The following KCNQ1OT1 variants were observed in gnomAD, a reference collection of about 807,000 sequenced individuals.
The protein encoded by KCNQ1OT1 is KCNQ1 opposite strand/antisense transcript 1.
In KCNQ1OT1 at chr11:2,682,439, T is replaced by C. The variant is rs1006127835; in HGVS notation, n.17556A>G. ...TGTTTTATCTTCAGTGCTTAATCCA[T>C]ATGGAGCCTGTCACGGACCCTCAGT... On this transcript the variant is annotated non_coding_transcript_exon_variant, in exon 1 of 1. Transcript: ENST00000597346. This position sits in a 1 kb window ranked among gnomAD's most constrained non-coding sequence, Gnocchi z 5.8. 8.5e-5 allele frequency: 34 copies of C among 398,448 alleles called. No homozygotes were observed. The highest frequency in any genetic ancestry group is 1.5e-4 in the Non-Finnish European group (33 of 226,112). The allele number at this position is 398,448 out of a possible 1,614,324, so 24.7% of individuals were successfully genotyped here.
chr11:2,612,416 ATC>A lies in KCNQ1OT1; in HGVS notation n.87577_87578del, dbSNP rs1848995965. 1 of 398,222 alleles carries A rather than the reference ATC, an allele frequency of 2.5e-6. No homozygotes were observed. The allele number at this position is 398,222 out of a possible 1,614,324, so 24.7% of individuals were successfully genotyped here. On this transcript the variant is annotated non_coding_transcript_exon_variant, in exon 1 of 1. Coordinates refer to ENST00000597346, the Ensembl canonical transcript of KCNQ1OT1. This position sits in a 1 kb window ranked among gnomAD's most constrained non-coding sequence, Gnocchi z 5.5. ...CACTATATTATGGTATCCAATGGGT[ATC>A]TCTTCATTTTTCTTCATTATTTTTC...
Position 2,647,749 on chromosome 11 carries a change from T to C in KCNQ1OT1, n.52246A>G. ...GGTTATATATGTCCAGGAATTTATC[T>C]CTTTCCTCTAGGTTTTCTAATTGTT... On this transcript the variant is annotated non_coding_transcript_exon_variant, in exon 1 of 1. Coordinates refer to ENST00000597346, the Ensembl canonical transcript of KCNQ1OT1. This position sits in a 1 kb window ranked among gnomAD's most constrained non-coding sequence, Gnocchi z 4.0. 1 of 398,526 alleles carries C rather than the reference T, an allele frequency of 2.5e-6. No homozygotes were observed. The highest frequency in any genetic ancestry group is 4.4e-6 in the Non-Finnish European group (1 of 226,034). 24.7% of individuals were successfully genotyped at this position (398,526 alleles called of 1,614,324 possible).
chr11:2,688,158 T>C, exon 1 of KCNQ1OT1: 1 of 398,798 alleles, frequency 2.5e-6, no homozygotes, highest in Non-Finnish European at 4.4e-6. Flanking sequence ...CGCAGCTCCC[T>C]AGGCCTCTGC....
chr11:2,661,798 C>A lies in KCNQ1OT1; in HGVS notation n.38197G>T. ...AGGCACTTTGGGGCCATCTTAAACACCCACCCACCCCAACACCCAACTATA... is the reference window on the plus strand; with the variant it reads ...AGGCACTTTGGGGCCATCTTAAACAACCACCCACCCCAACACCCAACTATA... On this transcript the variant is annotated non_coding_transcript_exon_variant, in exon 1 of 1. Coordinates refer to ENST00000597346, the Ensembl canonical transcript of KCNQ1OT1. This position sits in a 1 kb window ranked among gnomAD's most constrained non-coding sequence, Gnocchi z 5.9. 3.8e-6 allele frequency: 3 copies of A among 796,988 alleles called. No homozygotes were observed. The highest frequency in any genetic ancestry group is 2.1e-5 in the Admixed American group (1 of 48,460). 49.4% of individuals were successfully genotyped at this position (796,988 alleles called of 1,614,324 possible).
exon 1 of KCNQ1OT1, chr11:2,672,267 GC>G: frequency 2.5e-6 from 1 of 398,614 alleles, no homozygotes. Context: ...TTTTTGAACT[GC>G]CCCACGAACC....
chr11:2,612,738 G>C lies in KCNQ1OT1; in HGVS notation n.87257C>G. ...GCCCTAACATTTGGGGCCCTTCAGAGATAATTCCTATTTATTGCTCATTAT... is the reference window on the plus strand; with the variant it reads ...GCCCTAACATTTGGGGCCCTTCAGACATAATTCCTATTTATTGCTCATTAT... On this transcript the variant is annotated non_coding_transcript_exon_variant, in exon 1 of 1. Transcript: ENST00000597346. This position sits in a 1 kb window ranked among gnomAD's most constrained non-coding sequence, Gnocchi z 5.5. 1 of 398,526 alleles carries C rather than the reference G, an allele frequency of 2.5e-6. No homozygotes were observed. The highest frequency in any genetic ancestry group is 1.3e-4 in the South Asian group (1 of 7,854). 24.7% of individuals were successfully genotyped at this position (398,526 alleles called of 1,614,324 possible).
In KCNQ1OT1 at chr11:2,658,241, A is replaced by G. The variant is rs1849886916; in HGVS notation, n.41754T>C. The G allele has an allele frequency of 5.0e-6, 2 of 398,444 alleles. No homozygotes were observed. Among genetic ancestry groups the G allele is most frequent in the Admixed American group, 8.8e-5 (2 of 22,710 alleles). 24.7% of individuals were successfully genotyped at this position (398,444 alleles called of 1,614,324 possible). ...CATGGATCGTTTTCCTGCAGCAAAT[A>G]TTACCGTGATGTACTTCTATTTTCC... On this transcript the variant is annotated non_coding_transcript_exon_variant, in exon 1 of 1. Transcript: ENST00000597346. This position sits in a 1 kb window ranked among gnomAD's most constrained non-coding sequence, Gnocchi z 4.9.
chr11:2,630,953 C>T (rs1191542344), exon 1 of KCNQ1OT1: 3 of 398,504 alleles, frequency 7.5e-6, no homozygotes, highest in Non-Finnish European at 1.3e-5. Context: ...CACTGATAGC[C>T]TTATGGAGGT....
At chr11:2,619,960 T>TATC (rs1423602767) in exon 1 of KCNQ1OT1, 2 of 349,948 alleles carry the variant, frequency 5.7e-6, no homozygotes, top group Admixed American at 6.0e-5. Flanking sequence ...TGGATAAGCC[T>TATC]ATCACCCAGG....
At chr11:2,662,431 C>T in exon 1 of KCNQ1OT1, 1 of 505,252 alleles carries the variant, frequency 2.0e-6, no homozygotes, top group Middle Eastern at 5.1e-4. Context: ...AGCATTTCCC[C>T]ATGGAACCCT....
exon 1 of KCNQ1OT1, chr11:2,681,095 A>AT (rs1933888683): frequency 2.5e-6 from 1 of 398,474 alleles, no homozygotes; most frequent in African/African-American, 2.1e-5. Context: ...TGATGTGGTT[A>AT]TTTTTTAAAT....
Position 2,664,603 on chromosome 11 carries a change from C to T in KCNQ1OT1, n.35392G>A. On this transcript the variant is annotated non_coding_transcript_exon_variant, in exon 1 of 1. Transcript: ENST00000597346. This position sits in a 1 kb window ranked among gnomAD's most constrained non-coding sequence, Gnocchi z 5.1. ...TGGGGCTGCATTCCTCCACCTCCTG[C>T]ACAGCCCGCCCAGTGATGCCCATAA... The T allele has an allele frequency of 2.5e-6, 1 of 398,726 alleles. No individual in the cohort carries two copies. 24.7% of individuals were successfully genotyped at this position (398,726 alleles called of 1,614,324 possible).
At chr11:2,632,478 T>C (rs1032874744) in exon 1 of KCNQ1OT1, 5 of 398,336 alleles carry the variant, frequency 1.3e-5, no homozygotes, top group Non-Finnish European at 2.2e-5. Context: ...TTCACCATTA[T>C]GATGCTCCTT....
chr11:2,633,405 G>A lies in KCNQ1OT1; in HGVS notation n.66590C>T, dbSNP rs947461547. The stretch of plus-strand genomic sequence containing the variant: ...GTCCCATTTGTCTATTTTTGTTTTT[G>A]TTGCCTGTGCTTATAAAGTCTTACC... On this transcript the variant is annotated non_coding_transcript_exon_variant, in exon 1 of 1. Coordinates refer to ENST00000597346, the Ensembl canonical transcript of KCNQ1OT1. The A allele has an allele frequency of 1.2e-4, 47 of 398,332 alleles. No homozygotes were observed. In the East Asian group the frequency reaches 1.6e-3, roughly 14 times the overall value. 24.7% of individuals were successfully genotyped at this position (398,332 alleles called of 1,614,324 possible). A position where few individuals can be genotyped will look rare whatever the true frequency, so the allele number is the denominator to read the frequency against.
chr11:2,680,144 A>G, exon 1 of KCNQ1OT1: 1 of 395,372 alleles, frequency 2.5e-6, no homozygotes, highest in Non-Finnish European at 4.4e-6. Flanking sequence ...TGCCCGCCTC[A>G]GCCTCCTAAA....
At chr11:2,635,371 A>C (rs1849446713) in exon 1 of KCNQ1OT1, 1 of 152,016 alleles carries the variant, frequency 6.6e-6, no homozygotes, top group Admixed American at 6.6e-5. Flanking sequence ...AGGTGTAAGG[A>C]AGGGATCCAG....
In KCNQ1OT1 at chr11:2,661,189, C is replaced by T. The variant is rs770029027; in HGVS notation, n.38806G>A. On this transcript the variant is annotated non_coding_transcript_exon_variant, in exon 1 of 1. Coordinates refer to ENST00000597346, the Ensembl canonical transcript of KCNQ1OT1. The surrounding 1 kb of genome is among the most constrained non-coding windows in gnomAD (Gnocchi z 5.9). ...ACTGATGACCTTGGGGGAGGAAAGC[C>T]ATTGTGAATCTTTGAATTATTCCAC... is the stretch of plus-strand genomic sequence containing the variant. 4 of 398,414 alleles carry T rather than the reference C, an allele frequency of 1.0e-5. No individual in the cohort carries two copies. Among genetic ancestry groups the T allele is most frequent in the Non-Finnish European group, 1.8e-5 (4 of 226,094 alleles). 24.7% of individuals were successfully genotyped at this position (398,414 alleles called of 1,614,324 possible).
Position 2,651,431 on chromosome 11 carries a change from C to T in KCNQ1OT1, n.48564G>A, listed in dbSNP as rs1849755170. 2 of 398,574 alleles carry T rather than the reference C, an allele frequency of 5.0e-6. No individual in the cohort carries two copies. The highest frequency in any genetic ancestry group is 8.8e-5 in the Admixed American group (2 of 22,718). 24.7% of individuals were successfully genotyped at this position (398,574 alleles called of 1,614,324 possible). Reference sequence around the variant, plus strand: ...CTTTTGGCCTGCCCTGTGTGCAGCTCAGCAAGTGCCTGAAGTCAGAGGTAG... The same window carrying T: ...CTTTTGGCCTGCCCTGTGTGCAGCTTAGCAAGTGCCTGAAGTCAGAGGTAG... On this transcript the variant is annotated non_coding_transcript_exon_variant, in exon 1 of 1. Coordinates refer to ENST00000597346, the Ensembl canonical transcript of KCNQ1OT1. The surrounding 1 kb of genome is among the most constrained non-coding windows in gnomAD (Gnocchi z 6.1).
At chr11:2,699,649 C>CGCCGAAGAACCCCCGGGGACAACCGT in exon 1 of KCNQ1OT1, 2 of 357,926 alleles carry the variant, frequency 5.6e-6, no homozygotes, top group Admixed American at 4.7e-5. Flanking sequence ...GGGACAACCG[C>CGCCGAAGAACCCCCGGGGACAACCGT]GCCGAAGAAC....
Sources: gnomAD v4.1 joint callset for allele counts on GRCh38, gnomAD v4.1.1 for gene constraint, Gnocchi (gnomAD v3.1) non-coding constraint, MANE v1.5 for transcripts, NCBI Gene and HGNC (gene_info 2026-07-23, HGNC 2026-07-21) for gene names.